Variants in CUX1 observed in about 807,000 individuals in gnomAD.
CUX1 encodes cut like homeobox 1.
Under a neutral mutation model 158.8 loss-of-function variants are expected in CUX1, and 31 were observed. The ratio of observed to expected loss-of-function variants is 0.20; its 90% CI spans 0.15 to 0.26. The LOEUF is 0.26. CUX1 is among the 10% of genes least tolerant of loss of function. CUX1 has a pLI of 1.00. For missense variants in CUX1, 1,589 were observed against 2,014.6 expected (o/e 0.79, Z 4.04); for synonymous variants, 879 against 862.1 (o/e 1.02, Z -0.34).
At chr7:102,111,673 T>G in intron 6 of CUX1, 25 bp from the exon 7 acceptor site, 1 of 1,611,644 alleles carries the variant, frequency 6.2e-7, no homozygotes, top group Non-Finnish European at 8.5e-7. Flanking sequence ...GATGACCAAT[T>G]TGGCTTCGTC....
chr7:102,097,511 A>C lies in CUX1; in HGVS notation c.406+10A>C. ...GAAGTGAAAAATCAAGGTTGGTGGA[A>C]AATGCGTTCTTTGCTTTTTCTTTTC... On this transcript the variant is annotated intron_variant, in intron 5 of 23. Coordinates refer to ENST00000292535, the MANE Select transcript of CUX1 (RefSeq NM_181552.4). 3 of 1,582,474 alleles carry C rather than the reference A, an allele frequency of 1.9e-6. No individual in the cohort carries two copies. Among genetic ancestry groups the C allele is most frequent in the Non-Finnish European group, 2.6e-6 (3 of 1,171,108 alleles).
chr7:101,816,129 G>A (rs369556433), upstream of CUX1: 386 of 1,268,144 alleles, frequency 3.0e-4, 2 homozygotes, highest in Admixed American at 1.2e-4. Context: ...GCGCCCGGGG[G>A]TGGGGGCTGC....
At chr7:101,987,722 G>A (rs550526092) in intron 2 of CUX1, among the ~76,000 whole-genome samples, 7 of 152,228 alleles carry the variant, frequency 4.6e-5, no homozygotes, top group East Asian at 1.9e-4. Flanking sequence ...TTGGTCATCC[G>A]AGGGAGGACT....
chr7:102,045,451 G>T (rs562113020), intron 3 of CUX1, among the ~76,000 whole-genome samples: 1 of 152,234 alleles, frequency 6.6e-6, no homozygotes, highest in Non-Finnish European at 1.5e-5. Context: ...CGCCCCCTCC[G>T]ATGTGGGCTG....
intron 2 of CUX1, among the ~76,000 whole-genome samples, chr7:101,934,436 G>T (rs912360414): frequency 4.6e-5 from 7 of 152,148 alleles, no homozygotes; most frequent in African/African-American, 1.7e-4. Flanking sequence ...TGGATTCAAA[G>T]AAGTGCCTCT....
At chr7:102,038,204 C>T (rs1208428891) in intron 3 of CUX1, among the ~76,000 whole-genome samples, 4 of 152,120 alleles carry the variant, frequency 2.6e-5, no homozygotes, top group South Asian at 2.1e-4. Flanking sequence ...CAGTGTTTAC[C>T]GTGATAGATT....
At chr7:102,163,974 G>T (rs1056935977) in intron 9 of CUX1, among the ~76,000 whole-genome samples, 5 of 152,122 alleles carry the variant, frequency 3.3e-5, no homozygotes, top group Non-Finnish European at 7.4e-5. Flanking sequence ...AGTTATGTCC[G>T]AGCCTCATTC....
chr7:101,929,149 C>T (rs2129112194), intron 2 of CUX1, among the ~76,000 whole-genome samples: 1 of 151,998 alleles, frequency 6.6e-6, no homozygotes, highest in South Asian at 2.1e-4. Flanking sequence ...GCACTCCAGC[C>T]TAGGCTACAG....
At chr7:102,002,459 A>G (rs895354328) in intron 2 of CUX1, among the ~76,000 whole-genome samples, 1 of 152,064 alleles carries the variant, frequency 6.6e-6, no homozygotes, top group Non-Finnish European at 1.5e-5. Context: ...AGTGCTTTTC[A>G]CCCTGTATTT....
Position 101,869,608 on chromosome 7 carries a change from G to T in CUX1, c.31-46507G>T, listed in dbSNP as rs1254073683. 6.6e-6 allele frequency among the ~76,000 whole-genome samples: 1 copy of T among 152,144 alleles called. No homozygotes were observed. Among genetic ancestry groups the T allele is most frequent in the African/African-American group, 2.4e-5 (1 of 41,434 alleles). On this transcript the variant is annotated intron_variant, in intron 1 of 23. Coordinates refer to ENST00000292535, the MANE Select transcript of CUX1 (RefSeq NM_181552.4). The surrounding 1 kb of genome is among the most constrained non-coding windows in gnomAD (Gnocchi z 4.5). ...ACCAGCACGTTAGAAGGTCAGCCAA[G>T]GTCAGGCGGCCAGCAGGGCGGGAGG...
Position 102,255,614 on chromosome 7 carries a change from A to G in CUX1, c.*6572A>G. 1 of 985,366 alleles carries G rather than the reference A, an allele frequency of 1.0e-6. No individual in the cohort carries two copies. Among genetic ancestry groups the G allele is most frequent in the Non-Finnish European group, 1.2e-6 (1 of 829,884 alleles). 61.0% of individuals were successfully genotyped at this position (985,366 alleles called of 1,614,324 possible). A position where few individuals can be genotyped will look rare whatever the true frequency, so the allele number is the denominator to read the frequency against. On this transcript the variant is annotated 3_prime_UTR_variant, in exon 24 of 24. Coordinates refer to ENST00000292535, the MANE Select transcript of CUX1 (RefSeq NM_181552.4). ...TCTACCACAAAATATGCTATATGCT[A>G]TGTATCAAGCTTTCTGTAATCAGAA...
chr7:102,157,971 G>A (rs535284272), intron 8 of CUX1, among the ~76,000 whole-genome samples: 1 of 152,310 alleles, frequency 6.6e-6, no homozygotes, highest in East Asian at 1.9e-4. Flanking sequence ...CTGCACTGCA[G>A]CCTGTACAGT....
intron 1 of CUX1, among the ~76,000 whole-genome samples, chr7:101,890,468 C>T (rs1259907047): frequency 2.0e-5 from 3 of 151,992 alleles, no homozygotes; most frequent in African/African-American, 7.3e-5. Flanking sequence ...GAGAGCCCAC[C>T]CTGCAGCCTG....
intron 4 of CUX1, among the ~76,000 whole-genome samples, chr7:102,095,154 C>T (rs1829048386): frequency 6.6e-6 from 1 of 151,948 alleles, no homozygotes. Context: ...GGTATGCCAC[C>T]ATGCCTGGCT....
intron 1 of CUX1, among the ~76,000 whole-genome samples, chr7:101,896,356 C>T (rs901120036): frequency 5.3e-5 from 8 of 152,076 alleles, no homozygotes; most frequent in Admixed American, 2.0e-4. Flanking sequence ...GCACAGTAAG[C>T]GTCGAATCGG....
At chr7:101,966,953 C>G (rs1260710479) in intron 2 of CUX1, among the ~76,000 whole-genome samples, 1 of 152,132 alleles carries the variant, frequency 6.6e-6, no homozygotes, top group African/African-American at 2.4e-5. Context: ...ACAGATCCAT[C>G]CCAGCCCCAT....
At chr7:102,205,013 G>A in intron 19 of CUX1, 101 bp from the exon 20 acceptor site, 1 of 823,554 alleles carries the variant, frequency 1.2e-6, no homozygotes, top group Admixed American at 2.1e-5. Context: ...CCCCTCCCCA[G>A]GAGGAATGGG....
chr7:102,107,921 G>A (rs141082715), intron 6 of CUX1, among the ~76,000 whole-genome samples: 62 of 152,356 alleles, frequency 4.1e-4, no homozygotes, highest in African/African-American at 1.4e-3. Flanking sequence ...CTGGGGGAGC[G>A]CGGCAGGGCA....
chr7:102,231,717 T>A (rs185995815), intron 21 of CUX1, among the ~76,000 whole-genome samples: 134 of 149,312 alleles, frequency 9.0e-4, no homozygotes, highest in African/African-American at 3.2e-3. Flanking sequence ...ATTTTCTCTT[T>A]TTTTTTTTTT....
Sources: gnomAD v4.1 joint callset for allele counts (sites outside exome capture counted in the v4.1 genomes callset) on GRCh38, gnomAD v4.1.1 for gene constraint, Gnocchi (gnomAD v3.1) non-coding constraint, MANE v1.5 for transcripts, NCBI Gene and HGNC (gene_info 2026-07-23, HGNC 2026-07-21) for gene names.